Variants in PTPRD observed in about 807,000 individuals in gnomAD.
PTPRD encodes the protein protein tyrosine phosphatase receptor type D.
PTPRD carries 34 observed loss-of-function variants against 214.5 expected under a neutral mutation model. The ratio of observed to expected loss-of-function variants is 0.16; its 90% confidence interval spans 0.12 to 0.21. The LOEUF is 0.21. Among genes scored for constraint, PTPRD ranks in the 10% least tolerant of loss-of-function variants. PTPRD has a pLI of 1.00. For missense variants in PTPRD, 2,545 were observed against 2,398.7 expected (o/e 1.06, Z -1.27); for synonymous variants, 1,128 against 845.7 (o/e 1.33, Z -5.79).
At chr9:9,479,687 T>G (rs2147025990) in intron 8 of PTPRD, among the ~76,000 whole-genome samples, 1 of 152,178 alleles carries the variant, frequency 6.6e-6, no homozygotes, top group Admixed American at 6.6e-5. Flanking sequence ...TCACTATTGT[T>G]TTATAGATTG....
chr9:9,752,280 C>T (rs1247195664), intron 6 of PTPRD, among the ~76,000 whole-genome samples: 1 of 152,012 alleles, frequency 6.6e-6, no homozygotes, highest in Non-Finnish European at 1.5e-5. Flanking sequence ...TATGCTTTTC[C>T]ATAAGGCTTA....
At chr9:9,873,256 G>A (rs1038517527) in intron 5 of PTPRD, among the ~76,000 whole-genome samples, 7 of 152,090 alleles carry the variant, frequency 4.6e-5, no homozygotes, top group Non-Finnish European at 1.0e-4. Context: ...TGTAAATAAA[G>A]GTTTTCTTTT....
chr9:10,174,698 C>T (rs1813875973), intron 3 of PTPRD, among the ~76,000 whole-genome samples: 1 of 151,676 alleles, frequency 6.6e-6, no homozygotes, highest in African/African-American at 2.4e-5. Flanking sequence ...ATCATAAGTG[C>T]ATATATATAC....
chr9:8,571,022 C>T (rs1367935206), intron 14 of PTPRD, among the ~76,000 whole-genome samples: 1 of 151,958 alleles, frequency 6.6e-6, no homozygotes, highest in Non-Finnish European at 1.5e-5. Context: ...CATAAAAGCA[C>T]CAAGCTCTCA....
intron 3 of PTPRD, among the ~76,000 whole-genome samples, chr9:10,254,402 T>C (rs1190623269): frequency 6.6e-6 from 1 of 152,206 alleles, no homozygotes; most frequent in Non-Finnish European, 1.5e-5. Flanking sequence ...GCCAACTTTT[T>C]ATTATTCACA....
intron 11 of PTPRD, among the ~76,000 whole-genome samples, chr9:8,837,321 T>G (rs1177333049): frequency 1.3e-5 from 2 of 152,048 alleles, no homozygotes; most frequent in Admixed American, 6.6e-5. Flanking sequence ...GACAAGAACT[T>G]ATTTTAAAAA....
intron 9 of PTPRD, among the ~76,000 whole-genome samples, chr9:9,385,437 T>C (rs142140785): frequency 6.6e-6 from 1 of 152,186 alleles, no homozygotes; most frequent in African/African-American, 2.4e-5. Context: ...GATCTCAAAA[T>C]GCTTACAGAT....
intron 33 of PTPRD, among the ~76,000 whole-genome samples, chr9:8,459,323 G>C (rs750273034): frequency 6.6e-6 from 1 of 151,964 alleles, no homozygotes; most frequent in East Asian, 1.9e-4. Context: ...TCTTGTAGTA[G>C]AAGGATGAGA....
At chr9:9,437,567 G>T (rs142619982) in intron 8 of PTPRD, among the ~76,000 whole-genome samples, 3 of 152,128 alleles carry the variant, frequency 2.0e-5, no homozygotes, top group Non-Finnish European at 4.4e-5. Context: ...AGTCCTGCTT[G>T]AGGGTTCTTC....
At chr9:10,212,667 T>C (rs1441093218) in intron 3 of PTPRD, among the ~76,000 whole-genome samples, 1 of 152,186 alleles carries the variant, frequency 6.6e-6, no homozygotes, top group African/African-American at 2.4e-5. Flanking sequence ...ATGTGTGATT[T>C]AATCTTTTCC....
chr9:9,358,561 G>T (rs2054756831), intron 9 of PTPRD, among the ~76,000 whole-genome samples: 2 of 151,162 alleles, frequency 1.3e-5, no homozygotes, highest in Admixed American at 1.3e-4. Context: ...AATCAATTAA[G>T]TTGCAATCCT....
At chr9:9,450,755 GGGT>G (rs1569568441) in intron 8 of PTPRD, among the ~76,000 whole-genome samples, 6,403 of 151,036 alleles carry the variant, frequency 0.042, 186 homozygotes, top group Non-Finnish European at 0.063. Context: ...TTATGGGGGG[GGGT>G]GTGTGTGTCC....
At chr9:8,373,440 C>A (rs2082130168) in intron 39 of PTPRD, among the ~76,000 whole-genome samples, 3 of 151,984 alleles carry the variant, frequency 2.0e-5, no homozygotes, top group African/African-American at 4.8e-5. Context: ...CACCAATATA[C>A]CTACTCTTCT....
At chr9:10,360,356 T>G (rs1275427777) in intron 2 of PTPRD, among the ~76,000 whole-genome samples, 1 of 152,254 alleles carries the variant, frequency 6.6e-6, no homozygotes, top group Non-Finnish European at 1.5e-5. Flanking sequence ...TTTTATATGC[T>G]GCTCCATTTA....
chr9:8,509,917 G>A, intron 21 of PTPRD, among the ~76,000 whole-genome samples: 1 of 152,060 alleles, frequency 6.6e-6, no homozygotes, highest in East Asian at 1.9e-4. Flanking sequence ...ATGTACAGGG[G>A]GTTCTCTCCT....
intron 9 of PTPRD, among the ~76,000 whole-genome samples, chr9:9,354,804 G>A (rs1351559022): frequency 6.6e-6 from 1 of 151,708 alleles, no homozygotes; most frequent in Non-Finnish European, 1.5e-5. Flanking sequence ...TGAGATTTGA[G>A]CAAACACATG....
intron 3 of PTPRD, among the ~76,000 whole-genome samples, chr9:10,322,118 C>T (rs981807970): frequency 6.6e-6 from 1 of 151,952 alleles, no homozygotes; most frequent in African/African-American, 2.4e-5. Flanking sequence ...TTCTAACAAG[C>T]TCAAACCAAA....
chr9:10,248,533 A>AAAAAAAAAAAAGC (rs60272481), intron 3 of PTPRD, among the ~76,000 whole-genome samples: 2 of 127,444 alleles, frequency 1.6e-5, no homozygotes, highest in African/African-American at 3.3e-5. Context: ...AAAATAAAAA[A>AAAAAAAAAAAAGC]AATAAAGCGA....
At chr9:8,452,003 T>A (rs547552155) in intron 33 of PTPRD, 69 of 331,570 alleles carry the variant, frequency 2.1e-4, no homozygotes, top group Middle Eastern at 4.2e-4. Flanking sequence ...TTTAGCCCAT[T>A]TCTCTGGTGC....
Sources: gnomAD v4.1 joint callset for allele counts (sites outside exome capture counted in the v4.1 genomes callset) on GRCh38, gnomAD v4.1.1 for gene constraint, MANE v1.5 for transcripts, NCBI Gene and HGNC (gene_info 2026-07-23, HGNC 2026-07-21) for gene names.